Variants in PPARGC1A observed in about 807,000 individuals in gnomAD.
The protein encoded by PPARGC1A is peroxisome proliferator-activated receptor gamma coactivator 1-alpha.
PPARGC1A carries 25 observed loss-of-function variants against 88.7 expected under a neutral mutation model. The observed-to-expected ratio is 0.28, with a 90% confidence interval of 0.21 to 0.39. The LOEUF (loss-of-function observed/expected upper bound fraction) is 0.39. Among genes scored for constraint, PPARGC1A ranks in the 10% least tolerant of loss-of-function variants. The pLI is 1.00. For missense variants in PPARGC1A, 880 were observed against 968.7 expected (o/e 0.91, Z 1.22); for synonymous variants, 363 against 355.6 (o/e 1.02, Z -0.24).
chr4:24,307,431 C>T, the PPARGC1A span, among the ~76,000 whole-genome samples: 6 of 152,130 alleles, frequency 3.9e-5, no homozygotes, highest in Non-Finnish European at 8.8e-5. Context: ...CACTTTTGTA[C>T]ATATTTGTGT....
the PPARGC1A span, among the ~76,000 whole-genome samples, chr4:24,141,405 T>C: frequency 6.6e-6 from 1 of 152,252 alleles, no homozygotes. Flanking sequence ...GTTGACTCTA[T>C]GCTTAAAATT....
the PPARGC1A span, among the ~76,000 whole-genome samples, chr4:24,351,694 ATTACT>A: frequency 3.9e-5 from 6 of 152,184 alleles, no homozygotes; most frequent in East Asian, 1.9e-4. Flanking sequence ...AATATTTAAA[ATTACT>A]TTAAGAGTTG....
At chr4:24,109,764 G>C in the PPARGC1A span, among the ~76,000 whole-genome samples, 4 of 152,168 alleles carry the variant, frequency 2.6e-5, no homozygotes, top group Non-Finnish European at 2.9e-5. Flanking sequence ...TGTAAGCAAA[G>C]GGCTAGGAAG....
At chr4:23,896,638 C>T (rs989693579) in intron 1 of PPARGC1A, among the ~76,000 whole-genome samples, 6 of 152,220 alleles carry the variant, frequency 3.9e-5, no homozygotes, top group African/African-American at 1.2e-4. Flanking sequence ...TACCATCTTC[C>T]CTTTGTTTCT....
the PPARGC1A span, among the ~76,000 whole-genome samples, chr4:24,463,741 G>C: frequency 6.6e-6 from 1 of 152,132 alleles, no homozygotes; most frequent in Non-Finnish European, 1.5e-5. Flanking sequence ...AAATATGACA[G>C]CAAGAGACAG....
rs766670450 is a variant in PPARGC1A, at chr4:23,831,626, G to C, written c.360C>G (p.Asp120Glu). ...DALTDGDVTT[D>E]NEASPSSMPD... Reference sequence around the variant, plus strand: ...GCATGGAGGAAGGACTAGCCTCATTGTCAGTGGTCACGTCTCCATCTGTCA... The same window carrying C: ...GCATGGAGGAAGGACTAGCCTCATTCTCAGTGGTCACGTCTCCATCTGTCA... Residue 120 changes from aspartate (D) to glutamate (E), a missense_variant, in exon 3 of 13, where the codon GAC becomes GAG. Asp to Glu is a conservative substitution (Grantham distance 45). Coordinates refer to ENST00000264867, the MANE Select transcript of PPARGC1A (RefSeq NM_013261.5). 3 of 1,614,036 alleles carry C rather than the reference G, an allele frequency of 1.9e-6. No individual in the cohort carries two copies. The highest frequency in any genetic ancestry group is 2.5e-6 in the Non-Finnish European group (3 of 1,180,024).
the PPARGC1A span, among the ~76,000 whole-genome samples, chr4:24,106,874 C>T: frequency 5.8e-4 from 88 of 152,306 alleles, no homozygotes; most frequent in African/African-American, 2.1e-3. Flanking sequence ...CAGAGCCTGG[C>T]CTAGCAGCAG....
At chr4:23,946,690 A>AT in the PPARGC1A span, among the ~76,000 whole-genome samples, 6 of 152,002 alleles carry the variant, frequency 3.9e-5, no homozygotes, top group East Asian at 1.9e-4. Flanking sequence ...ATTGTTTGTT[A>AT]TTTTTTATCT....
chr4:24,119,902 T>C, the PPARGC1A span, among the ~76,000 whole-genome samples: 5 of 152,112 alleles, frequency 3.3e-5, no homozygotes, highest in Non-Finnish European at 4.4e-5. Context: ...TCCTAGAATC[T>C]TAAAAGCTTT....
At chr4:24,424,775 T>C in the PPARGC1A span, among the ~76,000 whole-genome samples, 2 of 152,178 alleles carry the variant, frequency 1.3e-5, no homozygotes, top group African/African-American at 4.8e-5. Context: ...CAAAATTACA[T>C]TGAAAAATCT....
intron 7 of PPARGC1A, among the ~76,000 whole-genome samples, chr4:23,818,394 ATTTTC>A (rs1349114606): frequency 6.6e-6 from 1 of 152,056 alleles, no homozygotes; most frequent in Non-Finnish European, 1.5e-5. Flanking sequence ...ATTGCCGCCT[ATTTTC>A]TTTTGTCAAA....
At chr4:24,006,577 A>G in the PPARGC1A span, among the ~76,000 whole-genome samples, 4 of 152,222 alleles carry the variant, frequency 2.6e-5, no homozygotes, top group African/African-American at 7.2e-5. Context: ...CTGAAGGGAA[A>G]GAAAGGCTTG....
At chr4:24,257,827 C>A in the PPARGC1A span, among the ~76,000 whole-genome samples, 22,026 of 152,048 alleles carry the variant, frequency 0.14, 1,996 homozygotes, top group Middle Eastern at 0.29. Flanking sequence ...GCTCAAAACA[C>A]AAGTTAAATA....
intron 7 of PPARGC1A, among the ~76,000 whole-genome samples, chr4:23,823,267 G>A (rs527774019): frequency 6.6e-6 from 1 of 151,914 alleles, no homozygotes; most frequent in East Asian, 1.9e-4. Flanking sequence ...TTTCCTTCAA[G>A]GAGCAAGCAA....
At chr4:23,978,516 C>G in the PPARGC1A span, among the ~76,000 whole-genome samples, 2 of 152,176 alleles carry the variant, frequency 1.3e-5, no homozygotes, top group Admixed American at 6.5e-5. Flanking sequence ...TTGCCCACAT[C>G]ATCTATGGAA....
the PPARGC1A span, among the ~76,000 whole-genome samples, chr4:23,944,860 T>G: frequency 1.3e-5 from 2 of 152,206 alleles, no homozygotes; most frequent in African/African-American, 4.8e-5. Flanking sequence ...CATGCCGAAC[T>G]GTGAGTCAAT....
chr4:24,114,768 G>T, the PPARGC1A span, among the ~76,000 whole-genome samples: 1 of 152,110 alleles, frequency 6.6e-6, no homozygotes, highest in Non-Finnish European at 1.5e-5. Context: ...GCAAACTACT[G>T]CCCTGAAAAA....
chr4:24,275,652 A>G, the PPARGC1A span, among the ~76,000 whole-genome samples: 3 of 152,342 alleles, frequency 2.0e-5, no homozygotes, highest in Non-Finnish European at 2.9e-5. Context: ...AGTATTTTAC[A>G]TCAAATTTAC....
chr4:24,352,972 C>G, the PPARGC1A span, among the ~76,000 whole-genome samples: 1 of 152,128 alleles, frequency 6.6e-6, no homozygotes, highest in Admixed American at 6.5e-5. Context: ...ATCTCTCTCC[C>G]GTGGCATGGG....
Sources: gnomAD v4.1 joint callset for allele counts (sites outside exome capture counted in the v4.1 genomes callset) on GRCh38, gnomAD v4.1.1 for gene constraint, MANE v1.5 for transcripts, NCBI Gene and HGNC (gene_info 2026-07-23, HGNC 2026-07-21) for gene names.